The following ORC3 variants were observed in gnomAD, a reference collection of about 807,000 sequenced individuals.
ORC3 encodes the protein origin recognition complex subunit 3.
In ORC3, 78 loss-of-function variants were observed where a neutral mutation model predicts 100.7. The observed-to-expected ratio is 0.77, with a 90% CI of 0.65 to 0.94. The LOEUF is 0.94. Ranked by LOEUF, ORC3 falls within the 40% of genes least tolerant of loss-of-function variation. The pLI, the probability that ORC3 is intolerant of heterozygous loss-of-function variation, is 0.00. For synonymous variants in ORC3, 295 were observed against 289.3 expected (o/e 1.02, Z -0.20); for missense variants, 789 against 823.9 (o/e 0.96, Z 0.52).
chr6:87,643,730 ACTCTT>A (rs1235283431), intron 13 of ORC3, among the ~76,000 whole-genome samples: 1 of 152,034 alleles, frequency 6.6e-6, no homozygotes, highest in Non-Finnish European at 1.5e-5. Flanking sequence ...AATTTTGACA[ACTCTT>A]TTCTTTCTTT....
intron 2 of ORC3, among the ~76,000 whole-genome samples, chr6:87,599,704 G>T (rs1009307342): frequency 1.5e-5 from 2 of 137,722 alleles, no homozygotes; most frequent in South Asian, 2.3e-4. Flanking sequence ...GGCTAGGTGG[G>T]GTGATGTACG....
At chr6:87,599,406 C>T (rs1013217079) in intron 2 of ORC3, among the ~76,000 whole-genome samples, 10 of 150,206 alleles carry the variant, frequency 6.7e-5, no homozygotes, top group Non-Finnish European at 1.3e-4. Flanking sequence ...TTTGCTCTGT[C>T]GCCCAGGCTG....
chr6:87,663,226 AT>A, intron 17 of ORC3, 82 bp downstream of exon 17: 1 of 1,085,748 alleles, frequency 9.2e-7, no homozygotes. Flanking sequence ...ATTTGCAGTT[AT>A]GTTTTAATGA....
At chr6:87,648,215 CA>C (rs1248993276) in intron 13 of ORC3, among the ~76,000 whole-genome samples, 3 of 151,700 alleles carry the variant, frequency 2.0e-5, no homozygotes, top group African/African-American at 7.3e-5. Context: ...CAAAACAAAA[CA>C]AAACAAAACA....
At chr6:87,631,287 T>G (rs1767384900) in intron 11 of ORC3, among the ~76,000 whole-genome samples, 1 of 152,138 alleles carries the variant, frequency 6.6e-6, no homozygotes, top group Non-Finnish European at 1.5e-5. Flanking sequence ...GCATATCTTT[T>G]TAGTAAATAA....
intron 14 of ORC3, 74 bp from the exon 15 acceptor site, chr6:87,656,832 G>T: frequency 3.3e-6 from 3 of 904,508 alleles, no homozygotes; most frequent in South Asian, 1.5e-5. Context: ...TTTTACTTTG[G>T]AGTAGTAGAA....
rs1778817633 is a variant in ORC3 at position 87,612,155 on chromosome 6, C to T, written c.780C>T (p.His260=). 1 of 1,613,578 alleles carries T rather than the reference C, an allele frequency of 6.2e-7. No individual in the cohort carries two copies. Residue 260 remains histidine (H), a synonymous_variant, in exon 8 of 20, where the codon CAC becomes CAT. Coordinates refer to ENST00000392844, the MANE Select transcript of ORC3 (RefSeq NM_012381.4). The stretch of plus-strand genomic sequence containing the variant: ...TAGCCACATCTCCTATTATCATCCA[C>T]CGATTGCTTCCTCATGCAGTATCAT... The part of the protein sequence containing the change: ...FGIATSPIII[H]RLLPHAVSSL...
At position 87,656,875 on chromosome 6, in the gene ORC3, T is replaced by C. The variant is rs746567747; in HGVS notation, c.1517-31T>C. ...TTCCCTTGACTTGGATTTACCCTCA[T>C]TGATGTCTACTGGTTTTGTATTAAA... is the stretch of plus-strand genomic sequence containing the variant. On this transcript the variant is annotated intron_variant, in intron 14 of 19. Transcript: ENST00000392844. 5 of 1,512,030 alleles carry C rather than the reference T, an allele frequency of 3.3e-6. No individual in the cohort carries two copies. The East Asian group carries it at 6.8e-5, about 21-fold the overall frequency. 93.7% of individuals were successfully genotyped at this position (1,512,030 alleles called of 1,614,324 possible).
In ORC3 at chr6:87,664,845, G is replaced by A. The variant is rs756424569; in HGVS notation, c.1936G>A (p.Val646Met). The change falls in exon 18 of 20, where the codon GTG becomes ATG. Residue 646 changes from valine (V) to methionine (M), a missense_variant. By Grantham distance (21) the Val-to-Met change is conservative. This residue lies in a region of ORC3 where 366 missense variants were observed against 394.2 expected (regional missense o/e 0.93). Transcript: ENST00000392844. ...AGAGTGTAGCAGGCTCATCAACCTC[G>A]TGGACTGGTCAGAGGTAGGTTGTAG... ...HLECSRLINL[V>M]DWSEAFATVV... 18 of 1,605,854 alleles carry A rather than the reference G, an allele frequency of 1.1e-5. No individual in the cohort carries two copies. The highest frequency in any genetic ancestry group is 2.2e-5 in the East Asian group (1 of 44,832).
At chr6:87,625,335 C>T (rs796077677) in intron 11 of ORC3, among the ~76,000 whole-genome samples, 1 of 152,200 alleles carries the variant, frequency 6.6e-6, no homozygotes, top group African/African-American at 2.4e-5. Flanking sequence ...GTTCCTATTT[C>T]TCCACATTCT....
chr6:87,590,866 A>T (rs1036647923), intron 1 of ORC3, among the ~76,000 whole-genome samples: 4 of 152,222 alleles, frequency 2.6e-5, no homozygotes, highest in African/African-American at 7.2e-5. Flanking sequence ...GTCATGAAAA[A>T]TGAGAATGAA....
intron 13 of ORC3, among the ~76,000 whole-genome samples, chr6:87,644,660 C>G (rs1768605414): frequency 6.6e-6 from 1 of 152,088 alleles, no homozygotes; most frequent in African/African-American, 2.4e-5. Context: ...GCCAGCCTGG[C>G]TAACATGGCG....
At chr6:87,624,062 A>C (rs1779716881) in intron 11 of ORC3, among the ~76,000 whole-genome samples, 2 of 152,192 alleles carry the variant, frequency 1.3e-5, no homozygotes, top group African/African-American at 4.8e-5. Flanking sequence ...TTGTCATATA[A>C]GTGCATGTTT....
intron 7 of ORC3, among the ~76,000 whole-genome samples, chr6:87,611,762 A>G (rs1160347878): frequency 6.6e-6 from 1 of 151,978 alleles, no homozygotes; most frequent in Non-Finnish European, 1.5e-5. Context: ...AGTCTGGGTG[A>G]CAGAGCAGGA....
At chr6:87,595,104 T>G (rs1777336873) in intron 2 of ORC3, 1 of 152,240 alleles carries the variant, frequency 6.6e-6, no homozygotes, top group South Asian at 2.1e-4. Context: ...ATGTTCTAAC[T>G]TAGGGATAAA....
intron 19 of ORC3, among the ~76,000 whole-genome samples, chr6:87,666,558 C>T (rs1257130712): frequency 1.3e-5 from 2 of 151,366 alleles, no homozygotes; most frequent in African/African-American, 4.9e-5. Context: ...CCTGCCTCAG[C>T]TTCCCAAATA....
At chr6:87,592,161 A>G (rs1168276257) in intron 1 of ORC3, among the ~76,000 whole-genome samples, 1 of 152,186 alleles carries the variant, frequency 6.6e-6, no homozygotes, top group Non-Finnish European at 1.5e-5. Flanking sequence ...CCACTGCCCT[A>G]TATTAAGATC....
intron 1 of ORC3, among the ~76,000 whole-genome samples, chr6:87,591,722 TTTTTTC>T (rs1776997872): frequency 6.6e-6 from 1 of 152,112 alleles, no homozygotes; most frequent in South Asian, 2.1e-4. Context: ...ACTGCAAGCT[TTTTTTC>T]TTTTTCTTTT....
chr6:87,597,710 C>CATAT lies in ORC3; in HGVS notation c.79+3311_79+3314dup, dbSNP rs1208375189. ...ACACACACACACACACACACACACACATATATATATAATTTTTTTTTAAAA... is the reference window on the plus strand; with the variant it reads ...ACACACACACACACACACACACACACATATATATATATATAATTTTTTTTTAAAA... On this transcript the variant is annotated intron_variant, in intron 2 of 19. Coordinates refer to ENST00000392844, the MANE Select transcript of ORC3 (RefSeq NM_012381.4). Among the ~76,000 whole-genome samples the CATAT allele has an allele frequency of 8.5e-4, 120 of 140,684 alleles. 1 individual carries two copies. The highest frequency in any genetic ancestry group is 2.8e-3 in the African/African-American group (102 of 37,008). 92.3% of individuals were successfully genotyped at this position (140,684 alleles called of 152,430 possible).
Sources: allele counts gnomAD v4.1 joint callset (sites outside exome capture counted in the v4.1 genomes callset), GRCh38; gene constraint gnomAD v4.1.1; regional missense constraint gnomAD v4.1.1; transcripts MANE v1.5; gene names NCBI Gene and HGNC (gene_info 2026-07-23, HGNC 2026-07-21).